Variants in HEATR1 observed in about 807,000 individuals in gnomAD.
HEATR1 encodes HEAT repeat-containing protein 1.
Under a neutral mutation model 248.2 loss-of-function variants are expected in HEATR1, and 77 were observed. The observed-to-expected ratio is 0.31, with a 90% CI of 0.26 to 0.37. The LOEUF (loss-of-function observed/expected upper bound fraction) is 0.37, where lower values mean the gene tolerates loss of function less well. Among genes scored for constraint, HEATR1 ranks in the 10% least tolerant of loss-of-function variants. The pLI, the probability that HEATR1 is intolerant of heterozygous loss-of-function variation, is 1.00. For synonymous variants in HEATR1, 897 were observed against 923.1 expected (o/e 0.97, Z 0.51); for missense variants, 2,420 against 2,504.9 (o/e 0.97, Z 0.72).
At chr1:236,586,155 C>T in intron 15 of HEATR1, 86 bp downstream of exon 15, 1 of 1,279,248 alleles carries the variant, frequency 7.8e-7, no homozygotes, top group Non-Finnish European at 1.1e-6. Context: ...GGCATATAAG[C>T]ATGACCAACA....
Position 236,556,101 on chromosome 1 carries a change from T to C in HEATR1, c.5513A>G (p.Lys1838Arg), listed in dbSNP as rs780985866. The change falls in exon 38 of 45, where the codon AAG becomes AGG. Residue 1838 changes from lysine (K) to arginine (R), a missense_variant and splice_region_variant. Physicochemically the swap from Lys to Arg is conservative, Grantham distance 26. Coordinates refer to ENST00000366582, the MANE Select transcript of HEATR1 (RefSeq NM_018072.6). ...KTYKQIEKNW[K>R]NHMGPFMSIL... ...TCTTAATACCCAATAAGATCTAACC[T>C]TCCAGTTCTTCTCAATCTGCTTGTA... 4 of 1,614,094 alleles carry C rather than the reference T, an allele frequency of 2.5e-6. No homozygotes were observed. The African/African-American group carries it at 5.3e-5, about 22-fold the overall frequency.
At chr1:236,589,988 A>G (rs939542013) in intron 12 of HEATR1, among the ~76,000 whole-genome samples, 1 of 152,242 alleles carries the variant, frequency 6.6e-6, no homozygotes, top group African/African-American at 2.4e-5. Context: ...GAATGACTAA[A>G]GTTTGGAAAC....
At chr1:236,598,783 C>T (rs1664241773) in intron 4 of HEATR1, among the ~76,000 whole-genome samples, 2 of 152,186 alleles carry the variant, frequency 1.3e-5, no homozygotes, top group African/African-American at 4.8e-5. Flanking sequence ...CCTTCATCCC[C>T]ATTTGCCTCC....
chr1:236,575,200 G>T (rs1241414461), intron 22 of HEATR1, among the ~76,000 whole-genome samples: 1 of 152,170 alleles, frequency 6.6e-6, no homozygotes, highest in African/African-American at 2.4e-5. Context: ...AAACTTTAGA[G>T]AATAAAAATA....
At chr1:236,595,163 T>C (rs557593915) in intron 8 of HEATR1, among the ~76,000 whole-genome samples, 2 of 152,282 alleles carry the variant, frequency 1.3e-5, no homozygotes, top group South Asian at 4.1e-4. Flanking sequence ...GAAAAAACTT[T>C]TTTGGCAACT....
chr1:236,585,810 G>A lies in HEATR1; in HGVS notation c.2049+10C>T. 3 of 1,610,664 alleles carry A rather than the reference G, an allele frequency of 1.9e-6. No homozygotes were observed. Among genetic ancestry groups the A allele is most frequent in the Non-Finnish European group, 2.5e-6 (3 of 1,177,852 alleles). On this transcript the variant is annotated intron_variant, in intron 16 of 44. Transcript: ENST00000366582. ...GAAATCCAGGGGGTGGACTTTCAAA[G>A]CATACTTACCATCTTTAACATTGAA...
In HEATR1 at chr1:236,604,087, G is replaced by A; in HGVS notation, c.9C>T (p.Ser3=). ...CGAGTCGTTGCAGCTGCTGGGCTAA[G>A]GACGTCATCTTTCACGCCAGCGGAG... MT[S]LAQQLQRLAL... is the part of the protein sequence containing the mutation. The change falls in exon 2 of 45, where the codon TCC becomes TCT. Residue 3 remains serine (S), a synonymous_variant. Transcript: ENST00000366582. 6.4e-7 allele frequency: 1 copy of A among 1,561,662 alleles called. No individual in the cohort carries two copies. The highest frequency in any genetic ancestry group is 8.6e-7 in the Non-Finnish European group (1 of 1,161,890).
intron 12 of HEATR1, among the ~76,000 whole-genome samples, chr1:236,590,577 C>T (rs1304406955): frequency 1.3e-5 from 2 of 152,000 alleles, no homozygotes; most frequent in African/African-American, 2.4e-5. Context: ...AATGAACCTA[C>T]GTGAATTAAT....
At position 236,584,146 on chromosome 1, in the gene HEATR1, G is replaced by A. The variant is rs372701789; in HGVS notation, c.2241+879C>T. Among the ~76,000 whole-genome samples the A allele has an allele frequency of 6.6e-4, 101 of 152,140 alleles. 3 individuals are homozygous for A. In the South Asian group the frequency reaches 0.019, roughly 28 times the overall value. On this transcript the variant is annotated intron_variant, in intron 17 of 44. Coordinates refer to ENST00000366582, the MANE Select transcript of HEATR1 (RefSeq NM_018072.6). ...CAGGCGAAAACATGCTCATGACCTCGAGAAAGGTATTAAAAGTAAAGCAAT... is the reference window on the plus strand; with the variant it reads ...CAGGCGAAAACATGCTCATGACCTCAAGAAAGGTATTAAAAGTAAAGCAAT...
intron 29 of HEATR1, among the ~76,000 whole-genome samples, chr1:236,568,205 T>C (rs1375373852): frequency 1.3e-5 from 2 of 152,236 alleles, no homozygotes; most frequent in Admixed American, 6.5e-5. Flanking sequence ...TCCTGGCCCA[T>C]ATAGACTTTC....
chr1:236,574,025 G>T, intron 24 of HEATR1, 177 bp downstream of exon 24: 1 of 447,460 alleles, frequency 2.2e-6, no homozygotes, highest in Non-Finnish European at 3.9e-6. Context: ...TAAAATAATG[G>T]TAAAGATTTA....
intron 15 of HEATR1, 57 bp from the exon 16 acceptor site, chr1:236,585,998 C>G: frequency 2.5e-6 from 4 of 1,590,364 alleles, no homozygotes; most frequent in Non-Finnish European, 3.4e-6. Context: ...CAAAGAATCA[C>G]ATGAAGAATT....
intron 35 of HEATR1, 26 bp from the exon 36 acceptor site, chr1:236,558,555 A>G (rs1663038843): frequency 1.9e-6 from 3 of 1,583,810 alleles, no homozygotes; most frequent in South Asian, 2.3e-5. Context: ...AGAATCCCCA[A>G]ATCATTAAAG....
At chr1:236,587,758 T>C (rs1034787992) in intron 13 of HEATR1, among the ~76,000 whole-genome samples, 190 bp downstream of exon 13, 1 of 152,120 alleles carries the variant, frequency 6.6e-6, no homozygotes, top group Non-Finnish European at 1.5e-5. Context: ...CTTCCATATA[T>C]ATTTAATATA....
At chr1:236,587,360 C>A in intron 14 of HEATR1, 42 bp downstream of exon 14, 2 of 935,530 alleles carry the variant, frequency 2.1e-6, no homozygotes, top group East Asian at 2.9e-5. Context: ...GATATAAGAA[C>A]TTCATCAATT....
Position 236,571,558 on chromosome 1 carries a change from A to G in HEATR1, c.3826+10T>C. Reference sequence around the variant, plus strand: ...AATTTTTCTAACCTTTCCTTCCAAAAAGTACCTACCTTTGGGTATTTTGCC... The same window carrying G: ...AATTTTTCTAACCTTTCCTTCCAAAGAGTACCTACCTTTGGGTATTTTGCC... On this transcript the variant is annotated intron_variant, in intron 27 of 44. Transcript: ENST00000366582. The G allele has an allele frequency of 6.2e-7, 1 of 1,613,038 alleles. No homozygotes were observed. The highest frequency in any genetic ancestry group is 8.5e-7 in the Non-Finnish European group (1 of 1,179,534).
chr1:236,572,362 C>A, intron 26 of HEATR1, 49 bp downstream of exon 26: 1 of 1,576,008 alleles, frequency 6.3e-7, no homozygotes. Context: ...ATAAGATGGG[C>A]AAGAATTAGA....
At chr1:236,583,233 A>C (rs761490480) in intron 17 of HEATR1, 37 bp from the exon 18 acceptor site, 1 of 1,532,870 alleles carries the variant, frequency 6.5e-7, no homozygotes, top group Non-Finnish European at 8.8e-7. Flanking sequence ...AGTACAAACT[A>C]AGGGTTCTGA....
At position 236,594,400 on chromosome 1, in the gene HEATR1, C is replaced by T. The variant is rs958894624; in HGVS notation, c.1091-286G>A. On this transcript the variant is annotated intron_variant, in intron 8 of 44. Transcript: ENST00000366582. ...AACAAAAGTCCAAAATTAGTCTTTC[C>T]CCAGGTCACATTACAAATTAGTTGT... is the stretch of plus-strand genomic sequence containing the variant. Among the ~76,000 whole-genome samples, 6 of 152,092 alleles carry T rather than the reference C, an allele frequency of 3.9e-5. No homozygotes were observed. The South Asian group carries it at 6.2e-4, about 16-fold the overall frequency.
Sources: allele counts gnomAD v4.1 joint callset (sites outside exome capture counted in the v4.1 genomes callset), GRCh38; gene constraint gnomAD v4.1.1; transcripts MANE v1.5; gene names NCBI Gene and HGNC (gene_info 2026-07-23, HGNC 2026-07-21).